Variants in WDR7 observed in about 807,000 individuals in gnomAD.
The protein encoded by WDR7 is WD repeat-containing protein 7.
WDR7 carries 46 observed loss-of-function variants against 169.4 expected under a neutral mutation model. The ratio of observed to expected loss-of-function variants is 0.27; its 90% CI spans 0.21 to 0.35. The LOEUF (loss-of-function observed/expected upper bound fraction) is 0.35. Ranked by LOEUF, WDR7 falls within the 10% of genes least tolerant of loss-of-function variation. The pLI is 1.00. For synonymous variants in WDR7, 612 were observed against 666.8 expected (o/e 0.92, Z 1.27); for missense variants, 1,534 against 1,859.3 (o/e 0.83, Z 3.22).
intron 18 of WDR7, among the ~76,000 whole-genome samples, chr18:56,780,161 G>T (rs1023631280): frequency 2.0e-5 from 3 of 152,142 alleles, no homozygotes; most frequent in Non-Finnish European, 4.4e-5. Context: ...ACACATGGTA[G>T]GAGCTCACTA....
In WDR7 at chr18:56,685,940, T is replaced by G; in HGVS notation, c.521-16T>G. On this transcript the variant is annotated splice_polypyrimidine_tract_variant and intron_variant, in intron 5 of 27. Transcript: ENST00000254442. ...GTTCGTAACCTGGGCTGCTTTTTTG[T>G]CCCTTCTCATTTTAGAGGACACAGT... 1 of 1,593,988 alleles carries G rather than the reference T, an allele frequency of 6.3e-7. No individual in the cohort carries two copies. The highest frequency in any genetic ancestry group is 2.3e-5 in the East Asian group (1 of 44,148).
chr18:56,940,279 C>G (rs1379944506), intron 25 of WDR7, among the ~76,000 whole-genome samples: 1 of 152,130 alleles, frequency 6.6e-6, no homozygotes, highest in Non-Finnish European at 1.5e-5. Flanking sequence ...TAGACTACAG[C>G]TTTCCTGAGA....
At chr18:56,793,494 A>G (rs993091026) in intron 19 of WDR7, among the ~76,000 whole-genome samples, 9 of 152,240 alleles carry the variant, frequency 5.9e-5, no homozygotes, top group Admixed American at 2.6e-4. Flanking sequence ...GTGTAGAATC[A>G]GTAAATCAAT....
At chr18:56,829,775 C>G (rs978454565) in intron 20 of WDR7, among the ~76,000 whole-genome samples, 1 of 151,992 alleles carries the variant, frequency 6.6e-6, no homozygotes, top group Non-Finnish European at 1.5e-5. Flanking sequence ...TTGGGAGGCA[C>G]AGGAGGAAGA....
At chr18:56,736,642 G>T (rs1242385438) in intron 14 of WDR7, among the ~76,000 whole-genome samples, 1 of 151,678 alleles carries the variant, frequency 6.6e-6, no homozygotes, top group East Asian at 1.9e-4. Context: ...ATTAAGAATT[G>T]GGGTGTGTAG....
chr18:56,920,917 T>C (rs1225129483), intron 21 of WDR7, among the ~76,000 whole-genome samples: 1 of 152,188 alleles, frequency 6.6e-6, no homozygotes, highest in African/African-American at 2.4e-5. Context: ...TATGGAATTA[T>C]AAATTAGAAA....
chr18:57,012,874 A>G (rs774207820), intron 26 of WDR7, among the ~76,000 whole-genome samples: 1 of 152,198 alleles, frequency 6.6e-6, no homozygotes, highest in Non-Finnish European at 1.5e-5. Flanking sequence ...CCCCTCATCT[A>G]TGAGGTGGGG....
At chr18:56,657,249 C>A (rs142475579) in intron 1 of WDR7, among the ~76,000 whole-genome samples, 2 of 152,004 alleles carry the variant, frequency 1.3e-5, no homozygotes, top group African/African-American at 4.8e-5. Flanking sequence ...CCTCCAACTC[C>A]CAAGTTCAAG....
chr18:56,901,287 T>C (rs751526618), intron 21 of WDR7, among the ~76,000 whole-genome samples: 34 of 152,208 alleles, frequency 2.2e-4, no homozygotes, highest in African/African-American at 8.0e-4. Flanking sequence ...GTTATTATAA[T>C]GTCATTGTCT....
At chr18:56,815,208 T>C (rs550557034) in intron 19 of WDR7, among the ~76,000 whole-genome samples, 1 of 152,312 alleles carries the variant, frequency 6.6e-6, no homozygotes, top group Non-Finnish European at 1.5e-5. Context: ...GTTAGAAAGT[T>C]TAACTCCTAG....
At chr18:56,996,279 A>G (rs1180284304) in intron 26 of WDR7, among the ~76,000 whole-genome samples, 4 of 152,018 alleles carry the variant, frequency 2.6e-5, no homozygotes, top group African/African-American at 4.8e-5. Context: ...TTTTAGGTGA[A>G]CCTAATTAAA....
chr18:56,935,595 A>T (rs961000245), intron 22 of WDR7, among the ~76,000 whole-genome samples, 193 bp from the exon 23 acceptor site: 2 of 152,292 alleles, frequency 1.3e-5, no homozygotes, highest in Admixed American at 1.3e-4. Flanking sequence ...TTCACGGTTA[A>T]TTATTCCATT....
intron 20 of WDR7, among the ~76,000 whole-genome samples, chr18:56,840,459 C>G (rs2045466055): frequency 1.3e-5 from 2 of 152,120 alleles, no homozygotes; most frequent in South Asian, 4.2e-4. Flanking sequence ...AAAATAATAT[C>G]AAACTAAGTA....
intron 27 of WDR7, among the ~76,000 whole-genome samples, chr18:57,021,065 T>C (rs1161464405): frequency 6.6e-6 from 1 of 152,164 alleles, no homozygotes; most frequent in Non-Finnish European, 1.5e-5. Context: ...GGGCATCTGC[T>C]CTCATGGAGC....
At chr18:56,700,681 T>C (rs2025814149) in intron 12 of WDR7, among the ~76,000 whole-genome samples, 1 of 149,764 alleles carries the variant, frequency 6.7e-6, no homozygotes, top group African/African-American at 2.5e-5. Context: ...GCCATTCTCC[T>C]GCCTCAGCCT....
intron 19 of WDR7, among the ~76,000 whole-genome samples, chr18:56,793,768 T>G (rs2044533986): frequency 6.6e-6 from 1 of 152,244 alleles, no homozygotes; most frequent in Non-Finnish European, 1.5e-5. Flanking sequence ...CAGAGACATA[T>G]TCCTCTTATA....
intron 26 of WDR7, among the ~76,000 whole-genome samples, chr18:56,993,742 C>T (rs2047851868): frequency 6.6e-6 from 1 of 152,070 alleles, no homozygotes. Flanking sequence ...TTTTCCTGTT[C>T]ATCCGAATTT....
chr18:57,003,475 G>A (rs1196245128), intron 26 of WDR7, among the ~76,000 whole-genome samples: 2 of 151,960 alleles, frequency 1.3e-5, no homozygotes, highest in Non-Finnish European at 2.9e-5. Context: ...CTCAGAGAGA[G>A]TGATCTAGTT....
At chr18:56,680,443 T>C (rs1474683398) in intron 3 of WDR7, among the ~76,000 whole-genome samples, 2 of 152,202 alleles carry the variant, frequency 1.3e-5, no homozygotes, top group African/African-American at 4.8e-5. Context: ...CAACATAAGC[T>C]AAAAATATAG....
Sources: gnomAD v4.1 joint callset for allele counts (sites outside exome capture counted in the v4.1 genomes callset) on GRCh38, gnomAD v4.1.1 for gene constraint, MANE v1.5 for transcripts, NCBI Gene and HGNC (gene_info 2026-07-23, HGNC 2026-07-21) for gene names.